The following AMOTL1 variants were observed in gnomAD, a reference collection of about 807,000 sequenced individuals.
AMOTL1 encodes angiomotin like 1.
Under a neutral mutation model 102.9 loss-of-function variants are expected in AMOTL1, and 45 were observed. The observed-to-expected ratio is 0.44, with a 90% CI of 0.34 to 0.56. The LOEUF (loss-of-function observed/expected upper bound fraction) is 0.56. Ranked by LOEUF, AMOTL1 falls within the 20% of genes least tolerant of loss-of-function variation. The pLI is 0.01. For synonymous variants in AMOTL1, 481 were observed against 484.7 expected, an observed-to-expected ratio of 0.99 and a Z score of 0.10; for missense variants, 1,114 against 1,225.6, an observed-to-expected ratio of 0.91 and a Z score of 1.36.
chr11:94,865,610 T>C (rs1321720420), intron 10 of AMOTL1, among the ~76,000 whole-genome samples: 1 of 152,084 alleles, frequency 6.6e-6, no homozygotes, highest in Non-Finnish European at 1.5e-5. Flanking sequence ...TGCTTCCCTA[T>C]CCCCTACCTA....
intron 3 of AMOTL1, among the ~76,000 whole-genome samples, chr11:94,744,266 A>G (rs1950563679): frequency 6.6e-6 from 1 of 152,174 alleles, no homozygotes; most frequent in Non-Finnish European, 1.5e-5. Flanking sequence ...GAACTCAGGG[A>G]AGCACTATGC....
At position 94,800,323 on chromosome 11, in the gene AMOTL1, C is replaced by A; in HGVS notation, c.1121+12C>A. On this transcript the variant is annotated intron_variant, in intron 3 of 12. Coordinates refer to ENST00000433060, the MANE Select transcript of AMOTL1 (RefSeq NM_130847.3). ...TATGGGGTAACGAGGTGATTATCAA[C>A]TGCAGACGTTTCGTGCGGCTTTTCA... is the stretch of plus-strand genomic sequence containing the variant. 6.4e-7 allele frequency: 1 copy of A among 1,562,300 alleles called. No homozygotes were observed. Among genetic ancestry groups the A allele is most frequent in the Admixed American group, 2.1e-5 (1 of 48,714 alleles).
intron 1 of AMOTL1, among the ~76,000 whole-genome samples, chr11:94,789,772 C>A (rs1428180736): frequency 6.6e-6 from 1 of 152,188 alleles, no homozygotes; most frequent in Non-Finnish European, 1.5e-5. Context: ...GCACACTCAG[C>A]AAATTCCTTA....
intron 3 of AMOTL1, among the ~76,000 whole-genome samples, chr11:94,753,576 C>T (rs1565339608): frequency 6.6e-6 from 1 of 152,176 alleles, no homozygotes; most frequent in African/African-American, 2.4e-5. Context: ...TATTACTTCC[C>T]TCATCTTTCA....
chr11:94,732,066 G>A (rs1210774747), intron 2 of AMOTL1, among the ~76,000 whole-genome samples: 4 of 152,058 alleles, frequency 2.6e-5, no homozygotes, highest in Admixed American at 6.6e-5. Context: ...ATCTTTCCTC[G>A]ACACTCCATT....
chr11:94,816,248 G>T (rs1326459618), intron 3 of AMOTL1, among the ~76,000 whole-genome samples: 1 of 151,888 alleles, frequency 6.6e-6, no homozygotes, highest in Non-Finnish European at 1.5e-5. Flanking sequence ...TTTATTCCTC[G>T]GGTGCTGTTT....
intron 2 of AMOTL1, among the ~76,000 whole-genome samples, chr11:94,797,829 A>C (rs1333143187): frequency 6.6e-6 from 1 of 152,226 alleles, no homozygotes; most frequent in African/African-American, 2.4e-5. Context: ...GCAGCATGAA[A>C]TGTTGTTGGA....
chr11:94,809,961 G>C (rs1483221454), intron 3 of AMOTL1, among the ~76,000 whole-genome samples: 2 of 152,074 alleles, frequency 1.3e-5, no homozygotes, highest in Non-Finnish European at 2.9e-5. Context: ...CAAATACATA[G>C]ATATACTAGA....
At position 94,870,974 on chromosome 11, in the gene AMOTL1, T is replaced by C. The variant is rs1224466803; in HGVS notation, c.*179T>C. ...AACACAAAAACTACATGACTGAAGA[T>C]AGAAGAGAATGCGATGGATTTTATT... On this transcript the variant is annotated 3_prime_UTR_variant, in exon 13 of 13. Transcript: ENST00000433060. 4 of 504,742 alleles carry C rather than the reference T, an allele frequency of 7.9e-6. No individual in the cohort carries two copies. Among genetic ancestry groups the C allele is most frequent in the Non-Finnish European group, 1.4e-5 (4 of 288,732 alleles). The allele number at this position is 504,742 out of a possible 1,614,324, so 31.3% of individuals were successfully genotyped here.
At chr11:94,768,759 C>T (rs1950895717) in intron 1 of AMOTL1, among the ~76,000 whole-genome samples, 199 bp downstream of exon 1, 1 of 152,038 alleles carries the variant, frequency 6.6e-6, no homozygotes, top group South Asian at 2.1e-4. Flanking sequence ...CGGGCCGGGC[C>T]TCAGCGTCTT....
rs375039412 is a variant in AMOTL1 at position 94,844,515 on chromosome 11, C to T, written c.1649-5599C>T. 6.6e-5 allele frequency among the ~76,000 whole-genome samples: 10 copies of T among 152,164 alleles called. No individual in the cohort carries two copies. In the South Asian group the frequency reaches 8.3e-4, roughly 13 times the overall value. On this transcript the variant is annotated intron_variant, in intron 6 of 12. Coordinates refer to ENST00000433060, the MANE Select transcript of AMOTL1 (RefSeq NM_130847.3). Reference sequence around the variant, plus strand: ...ATAGAAGTTTATTTGGTTCATAGTTCGGGAGGCTGGGAAGTCCAAGAGCAT... The same window carrying T: ...ATAGAAGTTTATTTGGTTCATAGTTTGGGAGGCTGGGAAGTCCAAGAGCAT...
intron 1 of AMOTL1, among the ~76,000 whole-genome samples, chr11:94,718,129 G>A (rs1209366717): frequency 1.3e-5 from 2 of 151,798 alleles, no homozygotes; most frequent in African/African-American, 4.8e-5. Flanking sequence ...ATTCCTTGAA[G>A]GCCTGTCTCT....
intron 3 of AMOTL1, among the ~76,000 whole-genome samples, chr11:94,817,325 T>C (rs1246488907): frequency 6.6e-6 from 1 of 152,168 alleles, no homozygotes; most frequent in Non-Finnish European, 1.5e-5. Flanking sequence ...TTTTTATATT[T>C]GACACACTTT....
intron 3 of AMOTL1, among the ~76,000 whole-genome samples, chr11:94,808,384 C>A (rs1306056519): frequency 6.6e-6 from 1 of 152,154 alleles, no homozygotes; most frequent in Non-Finnish European, 1.5e-5. Context: ...ATTTAGCCCC[C>A]TGCATTTTCT....
intron 3 of AMOTL1, among the ~76,000 whole-genome samples, chr11:94,812,340 T>C (rs1180937928): frequency 1.3e-5 from 2 of 151,928 alleles, no homozygotes; most frequent in East Asian, 3.9e-4. Context: ...CAACTTGAGG[T>C]GGGGGAGGGG....
chr11:94,871,503 G>A lies in AMOTL1; in HGVS notation c.*708G>A, dbSNP rs1455034020. The stretch of plus-strand genomic sequence containing the variant: ...TCTGCTTTACAGTCTTTAATTTTTT[G>A]TTGTTCCTTCATTTTTTTCTTTTTA... On this transcript the variant is annotated 3_prime_UTR_variant, in exon 13 of 13. Transcript: ENST00000433060. 2 of 151,942 alleles carry A rather than the reference G, an allele frequency of 1.3e-5. No individual in the cohort carries two copies. The highest frequency in any genetic ancestry group is 2.9e-5 in the Non-Finnish European group (2 of 67,994). The allele number at this position is 151,942 out of a possible 1,614,324, so 9.4% of individuals were successfully genotyped here. A position where few individuals can be genotyped will look rare whatever the true frequency, so the allele number is the denominator to read the frequency against.
intron 3 of AMOTL1, among the ~76,000 whole-genome samples, chr11:94,759,886 A>G (rs1950771040): frequency 6.6e-6 from 1 of 152,254 alleles, no homozygotes; most frequent in Non-Finnish European, 1.5e-5. Flanking sequence ...GCATAGAAAT[A>G]TAGGCCCTCA....
At chr11:94,729,835 C>T (rs1223382635) in intron 2 of AMOTL1, among the ~76,000 whole-genome samples, 1 of 152,136 alleles carries the variant, frequency 6.6e-6, no homozygotes, top group African/African-American at 2.4e-5. Context: ...TTATGCCAAG[C>T]ACTAGTAATA....
chr11:94,786,741 C>G (rs771275268), intron 1 of AMOTL1, among the ~76,000 whole-genome samples: 1 of 152,134 alleles, frequency 6.6e-6, no homozygotes, highest in Non-Finnish European at 1.5e-5. Flanking sequence ...CAGCTTTTAC[C>G]TTCGTTTCCT....
Sources: allele counts gnomAD v4.1 joint callset (sites outside exome capture counted in the v4.1 genomes callset), GRCh38; gene constraint gnomAD v4.1.1; transcripts MANE v1.5; gene names NCBI Gene and HGNC (gene_info 2026-07-23, HGNC 2026-07-21).